The following ZW10 variants were observed in gnomAD, a reference collection of about 807,000 sequenced individuals.
ZW10 encodes centromere/kinetochore protein zw10 homolog.
Under a neutral mutation model 87.8 loss-of-function variants are expected in ZW10, and 53 were observed. The ratio of observed to expected loss-of-function variants is 0.60; its 90% CI spans 0.48 to 0.76. The LOEUF (loss-of-function observed/expected upper bound fraction) is 0.76. ZW10 is among the 30% of genes least tolerant of loss of function. The pLI is 0.00. For missense variants in ZW10, 837 were observed against 923.0 expected, an observed-to-expected ratio of 0.91 and a Z score of 1.21; for synonymous variants, 312 against 329.2, an observed-to-expected ratio of 0.95 and a Z score of 0.57.
chr11:113,764,068 T>A (rs1360648580), intron 2 of ZW10, among the ~76,000 whole-genome samples: 2 of 152,266 alleles, frequency 1.3e-5, no homozygotes, highest in Non-Finnish European at 1.5e-5. Context: ...AGTTTCAGTT[T>A]TCTGCATATG....
chr11:113,740,924 G>T (rs533113658), intron 11 of ZW10, among the ~76,000 whole-genome samples: 6 of 152,306 alleles, frequency 3.9e-5, no homozygotes, highest in African/African-American at 1.4e-4. Context: ...GTCAGCTAAT[G>T]CAAATATGTT....
chr11:113,742,923 TTTGA>T (rs1953637755), intron 10 of ZW10, among the ~76,000 whole-genome samples: 1 of 152,214 alleles, frequency 6.6e-6, no homozygotes. Context: ...AAAGATGCAA[TTTGA>T]TTGGGCCAAA....
chr11:113,757,378 G>A (rs1953800679), intron 7 of ZW10, among the ~76,000 whole-genome samples: 1 of 152,104 alleles, frequency 6.6e-6, no homozygotes, highest in Non-Finnish European at 1.5e-5. Context: ...GACGGTACTG[G>A]GAGTCCAGTG....
At chr11:113,745,608 C>T (rs562398851) in intron 9 of ZW10, among the ~76,000 whole-genome samples, 20 of 152,250 alleles carry the variant, frequency 1.3e-4, no homozygotes, top group Non-Finnish European at 2.2e-4. Flanking sequence ...ATTTAAAATG[C>T]TAATCTTTGT....
Position 113,760,383 on chromosome 11 carries a change from G to A in ZW10, c.421-15C>T, listed in dbSNP as rs146483683. Reference sequence around the variant, plus strand: ...CATTTCTGTGCCTGGTAACGAAATGGAATCACTGTTAAACATTCCATCTGG... The same window carrying A: ...CATTTCTGTGCCTGGTAACGAAATGAAATCACTGTTAAACATTCCATCTGG... On this transcript the variant is annotated splice_polypyrimidine_tract_variant and intron_variant, in intron 4 of 15. Transcript: ENST00000200135. 1.5e-4 allele frequency: 248 copies of A among 1,613,080 alleles called. No individual in the cohort carries two copies. The African/African-American group carries it at 2.9e-3, about 19-fold the overall frequency.
intron 2 of ZW10, 35 bp from the exon 3 acceptor site, chr11:113,760,953 T>C (rs1291815330): frequency 6.5e-7 from 1 of 1,546,576 alleles, no homozygotes; most frequent in Non-Finnish European, 8.9e-7. Context: ...ACTTTTAAGC[T>C]ATACCATACC....
intron 8 of ZW10, 31 bp downstream of exon 8, chr11:113,748,226 T>TA: frequency 6.3e-7 from 1 of 1,576,738 alleles, no homozygotes; most frequent in Non-Finnish European, 8.6e-7. Context: ...AACAGTGTCT[T>TA]AAAACCTTCT....
intron 3 of ZW10, 78 bp downstream of exon 3, chr11:113,760,738 AT>A: frequency 7.4e-7 from 1 of 1,347,930 alleles, no homozygotes; most frequent in South Asian, 1.3e-5. Context: ...AAAAAAACCC[AT>A]TATAGTCAGG....
intron 1 of ZW10, chr11:113,771,294 T>G (rs1049865048): frequency 6.6e-6 from 1 of 152,338 alleles, no homozygotes; most frequent in Non-Finnish European, 1.5e-5. Context: ...GTTTTGAGCA[T>G]AGGGTACAGA....
At chr11:113,762,162 A>C (rs1238852428) in intron 2 of ZW10, among the ~76,000 whole-genome samples, 1 of 152,242 alleles carries the variant, frequency 6.6e-6, no homozygotes, top group African/African-American at 2.4e-5. Flanking sequence ...CTATGTACCT[A>C]GGCTATATAA....
At chr11:113,747,758 T>C (rs769645100) in intron 8 of ZW10, 45 bp from the exon 9 acceptor site, 8 of 1,421,984 alleles carry the variant, frequency 5.6e-6, no homozygotes, top group Non-Finnish European at 7.6e-6. Flanking sequence ...TTACATATAT[T>C]CCATTACAAT....
chr11:113,754,923 G>A (rs1953767615), intron 7 of ZW10, among the ~76,000 whole-genome samples: 1 of 152,088 alleles, frequency 6.6e-6, no homozygotes, highest in Non-Finnish European at 1.5e-5. Flanking sequence ...TTACAGGTGT[G>A]AGCTACCATG....
chr11:113,736,866 G>A (rs1953559767), intron 14 of ZW10, 44 bp from the exon 15 acceptor site: 2 of 1,586,846 alleles, frequency 1.3e-6, no homozygotes, highest in African/African-American at 1.3e-5. Context: ...AATTGGGCCA[G>A]CTCAGAAGTG....
intron 1 of ZW10, among the ~76,000 whole-genome samples, chr11:113,769,408 A>G (rs1443487375): frequency 6.6e-6 from 1 of 152,216 alleles, no homozygotes; most frequent in Non-Finnish European, 1.5e-5. Context: ...AAATAAATGG[A>G]TAAATTAAAT....
chr11:113,735,233 T>A (rs1156974259), intron 15 of ZW10, among the ~76,000 whole-genome samples: 1 of 152,226 alleles, frequency 6.6e-6, no homozygotes. Context: ...TGAGTTGTAC[T>A]AGTGTTATAA....
Position 113,773,544 on chromosome 11 carries a change from C to T in ZW10, c.105+18G>A. On this transcript the variant is annotated intron_variant, in intron 1 of 15. Coordinates refer to ENST00000200135, the MANE Select transcript of ZW10 (RefSeq NM_004724.4). ...CCGGAGTCCCCTTCCAGTCAGCAGACAGCTGCCCCGCTCTCACCTTGATCT... is the reference window on the plus strand; with the variant it reads ...CCGGAGTCCCCTTCCAGTCAGCAGATAGCTGCCCCGCTCTCACCTTGATCT... The T allele has an allele frequency of 6.2e-7, 1 of 1,607,820 alleles. No homozygotes were observed. The highest frequency in any genetic ancestry group is 8.5e-7 in the Non-Finnish European group (1 of 1,177,066).
rs767631189 is a variant in ZW10 at position 113,738,248 on chromosome 11, A to G, written c.1884+16T>C. On this transcript the variant is annotated intron_variant, in intron 13 of 15. Coordinates refer to ENST00000200135, the MANE Select transcript of ZW10 (RefSeq NM_004724.4). ...AGGATAGAATACAAATTTCAGTGCT[A>G]GCAAGAGCCTCCTACCTGCCGGACT... 1.3e-6 allele frequency: 2 copies of G among 1,586,424 alleles called. No homozygotes were observed. The highest frequency in any genetic ancestry group is 1.7e-6 in the Non-Finnish European group (2 of 1,170,662).
Position 113,773,659 on chromosome 11 carries a change from G to A in ZW10, c.8C>T (p.Ser3Leu). MA[S>L]FVTEVLAHSG... ...GTGTGCCAAAACTTCTGTCACGAAC[G>A]AGGCCATGGCCAAGACGGGAACCAA... Residue 3 changes from serine (S) to leucine (L), a missense_variant, in exon 1 of 16, where the codon TCG becomes TTG. By Grantham distance (145) the Ser-to-Leu change is moderately radical (BLOSUM62 -2). Coordinates refer to ENST00000200135, the MANE Select transcript of ZW10 (RefSeq NM_004724.4). 1 of 1,612,920 alleles carries A rather than the reference G, an allele frequency of 6.2e-7. No homozygotes were observed. Among genetic ancestry groups the A allele is most frequent in the Non-Finnish European group, 8.5e-7 (1 of 1,179,466 alleles).
intron 2 of ZW10, among the ~76,000 whole-genome samples, chr11:113,765,266 C>T (rs997983215): frequency 7.9e-5 from 12 of 152,202 alleles, no homozygotes; most frequent in Middle Eastern, 3.2e-3. Context: ...ATTTTCCTCA[C>T]GTCCAAACAT....
Sources: gnomAD v4.1 joint callset for allele counts (sites outside exome capture counted in the v4.1 genomes callset) on GRCh38, gnomAD v4.1.1 for gene constraint, MANE v1.5 for transcripts, NCBI Gene and HGNC (gene_info 2026-07-23, HGNC 2026-07-21) for gene names.